Variants in TNFSF4 observed in about 807,000 individuals in gnomAD.
TNFSF4 encodes the protein TNF superfamily member 4, also known as tumor necrosis factor ligand superfamily member 4.
Under a neutral mutation model 7.3 loss-of-function variants are expected in TNFSF4, and 4 were observed. The ratio of observed to expected loss-of-function variants is 0.55; its 90% CI spans 0.27 to 1.25. The LOEUF (loss-of-function observed/expected upper bound fraction) is 1.25. TNFSF4 is among the 50% of genes most tolerant of loss of function. The probability of loss-of-function intolerance (pLI) is 0.12; values close to 1 mark genes in which losing one functional copy is unlikely to be tolerated. For missense variants in TNFSF4, 181 were observed against 208.8 expected, an observed-to-expected ratio of 0.87 and a Z score of 0.82; for synonymous variants, 76 against 83.7, an observed-to-expected ratio of 0.91 and a Z score of 0.50.
At chr1:173,335,576 G>T in the TNFSF4 span, among the ~76,000 whole-genome samples, 1 of 152,128 alleles carries the variant, frequency 6.6e-6, no homozygotes, top group Non-Finnish European at 1.5e-5. Context: ...TCCTAGAAAT[G>T]AAATAGATGG....
At chr1:173,316,028 T>C in the TNFSF4 span, among the ~76,000 whole-genome samples, 1 of 152,200 alleles carries the variant, frequency 6.6e-6, no homozygotes, top group African/African-American at 2.4e-5. Flanking sequence ...TTTTAGGTCC[T>C]GCATTTAAGA....
chr1:173,361,302 C>T, the TNFSF4 span, among the ~76,000 whole-genome samples: 3 of 152,142 alleles, frequency 2.0e-5, no homozygotes, highest in Non-Finnish European at 4.4e-5. Context: ...AGAGACCCCT[C>T]CTTTCTGCCC....
chr1:173,243,674 T>C, the TNFSF4 span, among the ~76,000 whole-genome samples: 1 of 152,224 alleles, frequency 6.6e-6, no homozygotes, highest in African/African-American at 2.4e-5. Flanking sequence ...CCCTGCCATA[T>C]GTCCTCTCCA....
chr1:173,229,989 C>T, the TNFSF4 span, among the ~76,000 whole-genome samples: 6 of 152,010 alleles, frequency 3.9e-5, no homozygotes, highest in East Asian at 3.8e-4. Flanking sequence ...TAATGGGAGA[C>T]GTTAACACCC....
chr1:173,189,453 A>T (rs1172321323), intron 1 of TNFSF4, among the ~76,000 whole-genome samples: 1 of 152,234 alleles, frequency 6.6e-6, no homozygotes, highest in Non-Finnish European at 1.5e-5. Flanking sequence ...TATTTGGTGT[A>T]GCTTTTTTAA....
At chr1:173,271,923 C>T in the TNFSF4 span, among the ~76,000 whole-genome samples, 14 of 152,118 alleles carry the variant, frequency 9.2e-5, no homozygotes, top group African/African-American at 3.4e-4. Flanking sequence ...GCACTATTCG[C>T]AATAGCAAAG....
chr1:173,418,803 C>T, the TNFSF4 span, among the ~76,000 whole-genome samples: 134,455 of 152,108 alleles, frequency 0.88, 59,634 homozygotes, highest in East Asian at 0.97. Context: ...TACATGTAAA[C>T]AGAGATCCCA....
chr1:173,294,090 A>G, the TNFSF4 span, among the ~76,000 whole-genome samples: 1 of 152,128 alleles, frequency 6.6e-6, no homozygotes, highest in Non-Finnish European at 1.5e-5. Context: ...TCAACCCAGC[A>G]ATCCCATTAC....
the TNFSF4 span, among the ~76,000 whole-genome samples, chr1:173,384,864 T>TTAAATATAAATA: frequency 6.6e-6 from 1 of 152,222 alleles, no homozygotes; most frequent in African/African-American, 2.4e-5. Flanking sequence ...CTTACCTATG[T>TTAAATATAAATA]TAAATATAAA....
At chr1:173,191,076 T>A (rs560064159) in intron 1 of TNFSF4, among the ~76,000 whole-genome samples, 52 of 152,356 alleles carry the variant, frequency 3.4e-4, no homozygotes, top group African/African-American at 1.2e-3. Context: ...GTGATTTGAT[T>A]ATTTTGACTG....
the TNFSF4 span, among the ~76,000 whole-genome samples, chr1:173,321,273 A>T: frequency 3.3e-5 from 5 of 152,240 alleles, no homozygotes; most frequent in African/African-American, 1.2e-4. Context: ...CTGGCTAGCC[A>T]TATGCAGAAA....
the TNFSF4 span, among the ~76,000 whole-genome samples, chr1:173,226,568 G>C: frequency 6.6e-6 from 1 of 152,190 alleles, no homozygotes; most frequent in Non-Finnish European, 1.5e-5. Context: ...CACTGTATTT[G>C]GGTGTCACTT....
the TNFSF4 span, among the ~76,000 whole-genome samples, chr1:173,173,855 G>A: frequency 6.6e-6 from 1 of 152,178 alleles, no homozygotes; most frequent in Non-Finnish European, 1.5e-5. Context: ...TGATGGGAGG[G>A]GCTGCCACGA....
chr1:173,406,185 G>A, the TNFSF4 span, among the ~76,000 whole-genome samples: 11 of 152,164 alleles, frequency 7.2e-5, no homozygotes, highest in Non-Finnish European at 1.5e-4. Flanking sequence ...AGGAAGCAGG[G>A]CTTTGGCATA....
At chr1:173,198,422 A>G (rs1305908801) in intron 1 of TNFSF4, among the ~76,000 whole-genome samples, 1 of 152,258 alleles carries the variant, frequency 6.6e-6, no homozygotes, top group Non-Finnish European at 1.5e-5. Context: ...ACAGAAGATC[A>G]CTTTCAACAC....
chr1:173,379,734 C>A, the TNFSF4 span, among the ~76,000 whole-genome samples: 1 of 152,162 alleles, frequency 6.6e-6, no homozygotes, highest in Non-Finnish European at 1.5e-5. Flanking sequence ...GATAAACAAA[C>A]CTTGGTGGTT....
the TNFSF4 span, among the ~76,000 whole-genome samples, chr1:173,355,912 A>C: frequency 1.3e-5 from 2 of 152,204 alleles, no homozygotes; most frequent in Non-Finnish European, 2.9e-5. Flanking sequence ...GTGAGAATAC[A>C]GGGAGTGGTG....
chr1:173,210,373 G>A (rs1231292014), upstream of TNFSF4, among the ~76,000 whole-genome samples: 1 of 152,146 alleles, frequency 6.6e-6, no homozygotes, highest in Non-Finnish European at 1.5e-5. Flanking sequence ...CCTTGATCTG[G>A]GAGAAACGAG....
At chr1:173,364,369 T>A in the TNFSF4 span, among the ~76,000 whole-genome samples, 2 of 142,352 alleles carry the variant, frequency 1.4e-5, no homozygotes, top group Non-Finnish European at 3.0e-5. Flanking sequence ...ACATATATAT[T>A]GGGGTGTATG....
Sources: allele counts gnomAD v4.1 joint callset (sites outside exome capture counted in the v4.1 genomes callset), GRCh38; gene constraint gnomAD v4.1.1; transcripts MANE v1.5; gene names NCBI Gene and HGNC (gene_info 2026-07-23, HGNC 2026-07-21).